Variants in PCDHB12 observed in about 807,000 individuals in gnomAD.
PCDHB12 encodes protocadherin beta-12.
For synonymous variants in PCDHB12, 560 were observed against 445.2 expected, an observed-to-expected ratio of 1.26 and a Z score of -3.24; for missense variants, 1,192 against 998.2, an observed-to-expected ratio of 1.19 and a Z score of -2.62.
chr5:141,209,750 T>C lies in PCDHB12; in HGVS notation c.843T>C (p.Phe281=), dbSNP rs370201389. The change falls in exon 1 of 1, where the codon TTT becomes TTC. Residue 281 remains phenylalanine, a synonymous_variant. Coordinates refer to ENST00000239450, the MANE Select transcript of PCDHB12 (RefSeq NM_018932.4). ...SGTNSELSYT[F]SHASEDIRKT... ...CAAACAGTGAACTATCCTATACCTT[T>C]TCCCATGCCTCAGAAGATATTCGCA... 3 of 1,614,250 alleles carry C rather than the reference T, an allele frequency of 1.9e-6. No individual in the cohort carries two copies. Among genetic ancestry groups the C allele is most frequent in the African/African-American group, 2.7e-5 (2 of 75,076 alleles).
Position 141,212,511 on chromosome 5 carries a change from T to A in PCDHB12, c.*1216T>A, listed in dbSNP as rs186920496. ...TTTAAAATAGGTAATTTTTGCATAG[T>A]TGTGTTCTAAATATATTATAAACTA... On this transcript the variant is annotated 3_prime_UTR_variant, in exon 1 of 1. Transcript: ENST00000239450. 2 of 152,312 alleles carry A rather than the reference T, an allele frequency of 1.3e-5. No homozygotes were observed. Among genetic ancestry groups the A allele is most frequent in the African/African-American group, 4.8e-5 (2 of 41,572 alleles). The allele number at this position is 152,312 out of a possible 1,614,324, so 9.4% of individuals were successfully genotyped here.
chr5:141,210,128 A>G lies in PCDHB12; in HGVS notation c.1221A>G (p.Arg407=). 1 of 1,614,160 alleles carries G rather than the reference A, an allele frequency of 6.2e-7. No homozygotes were observed. The highest frequency in any genetic ancestry group is 2.2e-5 in the East Asian group (1 of 44,874). Residue 407 remains arginine (R), a synonymous_variant, in exon 1 of 1, where the codon AGA becomes AGG. Transcript: ENST00000239450. ...ATTACTACACTTTGGAAACAGAGAGACCGCTGGACAGAGAGAGCAGAGCCG... is the reference window on the plus strand; with the variant it reads ...ATTACTACACTTTGGAAACAGAGAGGCCGCTGGACAGAGAGAGCAGAGCCG... ...VNNYYTLETE[R]PLDRESRAEY... is the part of the protein sequence containing the mutation.
chr5:141,211,250 T>C lies in PCDHB12; in HGVS notation c.2343T>C (p.Ser781=). The part of the protein sequence containing the change: ...IPNFLPQSTG[S]EVEENPPFQN... ...ACTTCCTACCCCAGAGCACAGGTAG[T>C]GAAGTCGAAGAAAATCCCCCATTTC... The change falls in exon 1 of 1, where the codon AGT becomes AGC. Residue 781 remains serine (S), a synonymous_variant. Transcript: ENST00000239450. 6.2e-7 allele frequency: 1 copy of C among 1,605,348 alleles called. No individual in the cohort carries two copies. Among genetic ancestry groups the C allele is most frequent in the Admixed American group, 1.7e-5 (1 of 57,686 alleles).
Position 141,209,739 on chromosome 5 carries a change from T to G in PCDHB12, c.832T>G (p.Ser278Ala). The change falls in exon 1 of 1, where the codon TCC becomes GCC. Residue 278 changes from serine (S) to alanine (A), a missense_variant. Physicochemically the swap from Ser to Ala is moderately conservative, Grantham distance 99. Transcript: ENST00000239450. ...AGACTCTGGAACAAACAGTGAACTA[T>G]CCTATACCTTTTCCCATGCCTCAGA... is the stretch of plus-strand genomic sequence containing the variant. The part of the protein sequence containing the change: ...DLDSGTNSEL[S>A]YTFSHASEDI... 6.2e-7 allele frequency: 1 copy of G among 1,614,238 alleles called. No homozygotes were observed. The highest frequency in any genetic ancestry group is 1.1e-5 in the South Asian group (1 of 91,088).
Position 141,209,663 on chromosome 5 carries a change from G to A in PCDHB12, c.756G>A (p.Leu252=), listed in dbSNP as rs1554286707. The A allele has an allele frequency of 3.1e-6, 5 of 1,614,188 alleles. No individual in the cohort carries two copies. Among genetic ancestry groups the A allele is most frequent in the Admixed American group, 1.7e-5 (1 of 60,026 alleles). The stretch of plus-strand genomic sequence containing the variant: ...AGGCTTTTTATGAGGTGAAGATTCT[G>A]GAGAATAGCATCCTTGGCTCCCTGG... ...FEQAFYEVKI[L]ENSILGSLVV... is the part of the protein sequence containing the mutation. The change falls in exon 1 of 1, where the codon CTG becomes CTA. Residue 252 remains leucine, a synonymous_variant. Transcript: ENST00000239450.
chr5:141,211,439 T>C lies in PCDHB12; in HGVS notation c.*144T>C. On this transcript the variant is annotated 3_prime_UTR_variant, in exon 1 of 1. Coordinates refer to ENST00000239450, the MANE Select transcript of PCDHB12 (RefSeq NM_018932.4). ...ATAAATTTCTTTACATAGAAAAGGA[T>C]ACAGATTTAGTACCAAGAACACTTC... The C allele has an allele frequency of 1.1e-6, 1 of 915,146 alleles. No homozygotes were observed. Among genetic ancestry groups the C allele is most frequent in the Non-Finnish European group, 1.7e-6 (1 of 577,322 alleles). 56.7% of individuals were successfully genotyped at this position (915,146 alleles called of 1,614,324 possible). A position where few individuals can be genotyped will look rare whatever the true frequency, so the allele number is the denominator to read the frequency against.
Position 141,211,122 on chromosome 5 carries a change from G to T in PCDHB12, c.2215G>T (p.Val739Leu). 4 of 1,614,194 alleles carry T rather than the reference G, an allele frequency of 2.5e-6. No homozygotes were observed. Among genetic ancestry groups the T allele is most frequent in the Non-Finnish European group, 3.4e-6 (4 of 1,180,044 alleles). The change falls in exon 1 of 1, where the codon GTG becomes TTG. Residue 739 changes from valine to leucine, a missense_variant. By Grantham distance (32) the Val-to-Leu change is conservative. Transcript: ENST00000239450. ...EGPFPGHLVD[V>L]SGTGTLSQSY... ...CCCCTTTCCAGGACATCTGGTGGAC[G>T]TGAGTGGCACCGGGACCCTGTCCCA...
In PCDHB12 at chr5:141,211,263, A is replaced by C. The variant is rs781920996; in HGVS notation, c.2356A>C (p.Asn786His). 2 of 1,601,260 alleles carry C rather than the reference A, an allele frequency of 1.2e-6. No individual in the cohort carries two copies. The highest frequency in any genetic ancestry group is 2.2e-5 in the East Asian group (1 of 44,836). ...PQSTGSEVEE[N>H]PPFQNNLGF ...GAGCACAGGTAGTGAAGTCGAAGAA[A>C]ATCCCCCATTTCAGAATAATTTGGG... is the stretch of plus-strand genomic sequence containing the variant. The change falls in exon 1 of 1, where the codon AAT (asparagine) becomes CAT (histidine). Residue 786 changes from asparagine to histidine, a missense_variant. Physicochemically the swap from Asn to His is moderately conservative, Grantham distance 68 (BLOSUM62 1). Transcript: ENST00000239450.
At position 141,210,288 on chromosome 5, in the gene PCDHB12, C is replaced by T. The variant is rs782479486; in HGVS notation, c.1381C>T (p.Arg461Cys). The T allele has an allele frequency of 6.8e-6, 11 of 1,613,740 alleles. No individual in the cohort carries two copies. The highest frequency in any genetic ancestry group is 6.7e-5 in the African/African-American group (5 of 74,918). Residue 461 changes from arginine (R) to cysteine (C), a missense_variant, in exon 1 of 1, where the codon CGC becomes TGC. Coordinates refer to ENST00000239450, the MANE Select transcript of PCDHB12 (RefSeq NM_018932.4). ...CCAAACTTCCTACGCCCTGTTCGTCCGCGAGAACAACAGCCCCGCCCTGCA... is the reference window on the plus strand; with the variant it reads ...CCAAACTTCCTACGCCCTGTTCGTCTGCGAGAACAACAGCCCCGCCCTGCA... ...FTQTSYALFVRENNSPALHIG... is the reference protein window; with the variant it reads ...FTQTSYALFVCENNSPALHIG...
At position 141,210,310 on chromosome 5, in the gene PCDHB12, T is replaced by G; in HGVS notation, c.1403T>G (p.Leu468Arg). The G allele has an allele frequency of 2.5e-6, 4 of 1,613,508 alleles. No individual in the cohort carries two copies. The highest frequency in any genetic ancestry group is 3.4e-6 in the Non-Finnish European group (4 of 1,180,038). ...GTCCGCGAGAACAACAGCCCCGCCC[T>G]GCACATCGGCAGCATCAGCGCCACA... ...LFVRENNSPA[L>R]HIGSISATDR... The change falls in exon 1 of 1, where the codon CTG becomes CGG. Residue 468 changes from leucine (L) to arginine (R), a missense_variant. By Grantham distance (102) the Leu-to-Arg change is moderately radical. Coordinates refer to ENST00000239450, the MANE Select transcript of PCDHB12 (RefSeq NM_018932.4).
chr5:141,210,536 C>A lies in PCDHB12; in HGVS notation c.1629C>A (p.Ser543Arg). The A allele has an allele frequency of 9.3e-6, 15 of 1,612,018 alleles. No homozygotes were observed. Among genetic ancestry groups the A allele is most frequent in the Non-Finnish European group, 1.3e-5 (15 of 1,179,796 alleles). The change falls in exon 1 of 1, where the codon AGC (serine) becomes AGA (arginine). Residue 543 changes from serine (S) to arginine (R), a missense_variant. Transcript: ENST00000239450. ...ACCACGGCTCCCCGGCTTTGAGCAG[C>A]GAGGCGCTGGTGCGCGTGCTGGTGC... ...ATDHGSPALSSEALVRVLVLD... is the reference protein window; with the variant it reads ...ATDHGSPALSREALVRVLVLD...
rs150632012 is a variant in PCDHB12 at position 141,209,504 on chromosome 5, G to C, written c.597G>C (p.Ala199=). 6.2e-7 allele frequency: 1 copy of C among 1,614,192 alleles called. No homozygotes were observed. Residue 199 remains alanine (A), a synonymous_variant, in exon 1 of 1, where the codon GCG becomes GCC. Coordinates refer to ENST00000239450, the MANE Select transcript of PCDHB12 (RefSeq NM_018932.4). Reference sequence around the variant, plus strand: ...ACCCTGAGTTAGTTCTGGACAAGGCGCTGGATTATGAAGAGCGCCCGGAGC... The same window carrying C: ...ACCCTGAGTTAGTTCTGGACAAGGCCCTGGATTATGAAGAGCGCCCGGAGC... The part of the protein sequence containing the change: ...RKYPELVLDK[A]LDYEERPELS...
At position 141,210,893 on chromosome 5, in the gene PCDHB12, G is replaced by A. The variant is rs565626179; in HGVS notation, c.1986G>A (p.Leu662=). The A allele has an allele frequency of 1.3e-4, 206 of 1,608,092 alleles. 3 individuals are homozygous for A. The South Asian group carries it at 1.9e-3, about 15-fold the overall frequency. The change falls in exon 1 of 1, where the codon CTG becomes CTA. Residue 662 remains leucine, a synonymous_variant. Transcript: ENST00000239450. ...RSATATLHVL[L]VDGFSQPYLP... ...CCACCGCCACGCTGCACGTGCTCCT[G>A]GTGGACGGCTTCTCCCAGCCCTACC...
At position 141,211,351 on chromosome 5, in the gene PCDHB12, T is replaced by C. The variant is rs1282339677; in HGVS notation, c.*56T>C. On this transcript the variant is annotated 3_prime_UTR_variant, in exon 1 of 1. Transcript: ENST00000239450. ...GAATACATTTATAATTAGGAACTTA[T>C]CGTGAGGTGCCTGTAAAGTAGTATT... 8.0e-6 allele frequency: 12 copies of C among 1,492,980 alleles called. No individual in the cohort carries two copies. In the Admixed American group the frequency reaches 1.7e-4, roughly 21 times the overall value. 92.5% of individuals were successfully genotyped at this position (1,492,980 alleles called of 1,614,324 possible). A position where few individuals can be genotyped will look rare whatever the true frequency, so the allele number is the denominator to read the frequency against.
rs1554286984 is a variant in PCDHB12 at position 141,210,582 on chromosome 5, C to T, written c.1675C>T (p.Pro559Ser). 2 of 1,611,500 alleles carry T rather than the reference C, an allele frequency of 1.2e-6. No homozygotes were observed. Among genetic ancestry groups the T allele is most frequent in the South Asian group, 1.1e-5 (1 of 90,982 alleles). ...VLVLDANDNS[P>S]FVLYPLQNGS... Reference sequence around the variant, plus strand: ...GGTGCTGGACGCCAACGACAACTCGCCCTTCGTGCTGTACCCGCTGCAGAA... The same window carrying T: ...GGTGCTGGACGCCAACGACAACTCGTCCTTCGTGCTGTACCCGCTGCAGAA... The change falls in exon 1 of 1, where the codon CCC becomes TCC. Residue 559 changes from proline (P) to serine (S), a missense_variant. Physicochemically the swap from Pro to Ser is moderately conservative, Grantham distance 74 (BLOSUM62 -1). Transcript: ENST00000239450.
rs781933112 is a variant in PCDHB12 at position 141,211,049 on chromosome 5, C to A, written c.2142C>A (p.Cys714Ter). ...TCCTGTTCGTGGCGGTGCGGCTGTG[C>A]AGGAGGAGCAGGGCGGCCCCGGTCG... is the stretch of plus-strand genomic sequence containing the variant. ...SVLLFVAVRL[C>*]RRSRAAPVGR... Residue 714 changes from cysteine (C) to a stop codon, truncating the protein, a stop_gained, in exon 1 of 1, where the codon TGC (cysteine) becomes TGA (stop). Transcript: ENST00000239450. LOFTEE classifies it low-confidence loss of function (END_TRUNC). 6.2e-7 allele frequency: 1 copy of A among 1,612,794 alleles called. No homozygotes were observed. Among genetic ancestry groups the A allele is most frequent in the African/African-American group, 1.3e-5 (1 of 74,894 alleles).
chr5:141,209,529 C>T lies in PCDHB12; in HGVS notation c.622C>T (p.Leu208Phe), dbSNP rs782533811. ...KALDYEERPE[L>F]SFILTALDGG... ...GCTGGATTATGAAGAGCGCCCGGAG[C>T]TCAGTTTCATCCTCACTGCTCTGGA... The change falls in exon 1 of 1, where the codon CTC becomes TTC. Residue 208 changes from leucine (L) to phenylalanine (F), a missense_variant. Transcript: ENST00000239450. 1 of 1,614,200 alleles carries T rather than the reference C, an allele frequency of 6.2e-7. No individual in the cohort carries two copies. The highest frequency in any genetic ancestry group is 8.5e-7 in the Non-Finnish European group (1 of 1,180,050).
rs782641033 is a variant in PCDHB12, at chr5:141,209,208, C to A, written c.301C>A (p.Pro101Thr). ...GGAGGAGCTCTGTGGCTCCAATGAG[C>A]CTTGTGTGCTGTATTTCCAAGTGTT... Reference protein sequence around the residue: ...DREELCGSNEPCVLYFQVLMK... With the variant: ...DREELCGSNETCVLYFQVLMK... Residue 101 changes from proline (P) to threonine (T), a missense_variant, in exon 1 of 1, where the codon CCT becomes ACT. Transcript: ENST00000239450. 1.9e-6 allele frequency: 3 copies of A among 1,614,014 alleles called. No homozygotes were observed. Among genetic ancestry groups the A allele is most frequent in the East Asian group, 2.2e-5 (1 of 44,886 alleles).
rs782600784 is a variant in PCDHB12 at position 141,209,454 on chromosome 5, A to G, written c.547A>G (p.Arg183Gly). 5 of 1,614,242 alleles carry G rather than the reference A, an allele frequency of 3.1e-6. No homozygotes were observed. In the Admixed American group the frequency reaches 8.3e-5, roughly 27 times the overall value. ...GAACTCTCATTTCCACGTTAAAATA[A>G]GAGTCAATCCAGACAATAGGAAATA... ...NPNSHFHVKI[R>G]VNPDNRKYPE... Residue 183 changes from arginine to glycine, a missense_variant, in exon 1 of 1, where the codon AGA (arginine) becomes GGA (glycine). Arg to Gly is a moderately radical substitution (Grantham distance 125). Coordinates refer to ENST00000239450, the MANE Select transcript of PCDHB12 (RefSeq NM_018932.4).
Sources: allele counts gnomAD v4.1 joint callset, GRCh38; gene constraint gnomAD v4.1.1; transcripts MANE v1.5; gene names NCBI Gene and HGNC (gene_info 2026-07-23, HGNC 2026-07-21).